Variants in MGLL observed in about 807,000 individuals in gnomAD.
MGLL encodes monoglyceride lipase.
In MGLL, 7 loss-of-function variants were observed where a neutral mutation model predicts 29.1. The observed-to-expected ratio is 0.24, with a 90% CI of 0.14 to 0.45. The LOEUF is 0.45. Among genes scored for constraint, MGLL ranks in the 20% least tolerant of loss-of-function variants. The pLI, the probability that MGLL is intolerant of heterozygous loss-of-function variation, is 0.99. For synonymous variants in MGLL, 148 were observed against 168.3 expected (o/e 0.88, Z 0.93); for missense variants, 356 against 413.6 (o/e 0.86, Z 1.21).
At chr3:127,773,057 G>C (rs147502943) in intron 3 of MGLL, among the ~76,000 whole-genome samples, 1 of 152,220 alleles carries the variant, frequency 6.6e-6, no homozygotes, top group Non-Finnish European at 1.5e-5. Flanking sequence ...AGGCACTCTC[G>C]GCAGATCTGA....
chr3:127,769,068 C>G (rs960533959), intron 3 of MGLL, among the ~76,000 whole-genome samples: 3 of 152,156 alleles, frequency 2.0e-5, no homozygotes, highest in Non-Finnish European at 4.4e-5. Flanking sequence ...GTTGGATTGT[C>G]AGGCCAGGAG....
chr3:127,765,531 G>A (rs2076841190), intron 3 of MGLL, among the ~76,000 whole-genome samples: 1 of 152,218 alleles, frequency 6.6e-6, no homozygotes, highest in Admixed American at 6.5e-5. Context: ...TGCGGCCCTC[G>A]GAAGAGCCAC....
At chr3:127,696,465 G>T (rs2075368278) in intron 6 of MGLL, among the ~76,000 whole-genome samples, 1 of 129,298 alleles carries the variant, frequency 7.7e-6, no homozygotes, top group Admixed American at 9.2e-5. Flanking sequence ...CCAGGCTGGA[G>T]TGCAGTGATA....
At chr3:127,698,082 C>T (rs1387322861) in intron 6 of MGLL, among the ~76,000 whole-genome samples, 2 of 152,240 alleles carry the variant, frequency 1.3e-5, no homozygotes, top group Admixed American at 1.3e-4. Context: ...CTGCTCTTGG[C>T]TTCGTTTTCC....
chr3:127,717,196 A>C (rs949766533), intron 5 of MGLL, among the ~76,000 whole-genome samples: 1 of 152,194 alleles, frequency 6.6e-6, no homozygotes, highest in Non-Finnish European at 1.5e-5. Context: ...CTGAAGCTTG[A>C]AAGAGTGGCC....
intron 3 of MGLL, among the ~76,000 whole-genome samples, chr3:127,746,061 C>T (rs1457698676): frequency 6.6e-6 from 1 of 152,014 alleles, no homozygotes; most frequent in Non-Finnish European, 1.5e-5. Context: ...CAGACAGAAA[C>T]AAGGAAGGTG....
At chr3:127,775,366 A>G (rs2077015680) in intron 3 of MGLL, among the ~76,000 whole-genome samples, 1 of 152,250 alleles carries the variant, frequency 6.6e-6, no homozygotes, top group South Asian at 2.1e-4. Context: ...AAGAAATAAA[A>G]TAAACCTATG....
chr3:127,794,571 TGTCTTCTGTGATGTCAGACC>T (rs1441184075), intron 2 of MGLL, among the ~76,000 whole-genome samples: 1 of 147,736 alleles, frequency 6.8e-6, no homozygotes, highest in Non-Finnish European at 1.5e-5. Flanking sequence ...GATGTAAGGC[TGTCTTCTGTGATGTCAGACC>T]GTCTTCTGTG....
At chr3:127,740,494 C>T (rs764889239) in intron 3 of MGLL, among the ~76,000 whole-genome samples, 1 of 152,172 alleles carries the variant, frequency 6.6e-6, no homozygotes, top group Non-Finnish European at 1.5e-5. Flanking sequence ...ACTGCCGGGA[C>T]CCAGGTCGCC....
At chr3:127,715,255 T>C (rs1271779128) in intron 5 of MGLL, among the ~76,000 whole-genome samples, 3 of 152,192 alleles carry the variant, frequency 2.0e-5, no homozygotes, top group Admixed American at 1.3e-4. Context: ...CTGGCTAGGA[T>C]GGAGGTGTAC....
At chr3:127,795,719 G>A (rs2077372218) in intron 2 of MGLL, among the ~76,000 whole-genome samples, 1 of 152,008 alleles carries the variant, frequency 6.6e-6, no homozygotes, top group Non-Finnish European at 1.5e-5. Context: ...AAAAAAGCAT[G>A]CCACCAAATC....
At chr3:127,738,792 G>A (rs919674454) in intron 3 of MGLL, among the ~76,000 whole-genome samples, 5 of 152,210 alleles carry the variant, frequency 3.3e-5, no homozygotes, top group Admixed American at 6.5e-5. Context: ...AACTGACAGT[G>A]TGACTGTATA....
At chr3:127,818,223 G>A (rs1055565478) in intron 2 of MGLL, among the ~76,000 whole-genome samples, 18 of 152,084 alleles carry the variant, frequency 1.2e-4, no homozygotes, top group African/African-American at 4.1e-4. Context: ...TCAGCCTCCC[G>A]ATGTGTTGGG....
chr3:127,715,925 A>G (rs1026253717), intron 5 of MGLL: 3 of 430,658 alleles, frequency 7.0e-6, no homozygotes, highest in Non-Finnish European at 1.4e-5. Flanking sequence ...AAATCCTCGA[A>G]TAGTCCTACA....
At chr3:127,698,228 C>G (rs1576470949) in intron 6 of MGLL, among the ~76,000 whole-genome samples, 1 of 152,288 alleles carries the variant, frequency 6.6e-6, no homozygotes, top group East Asian at 1.9e-4. Flanking sequence ...CAGAGGGAAA[C>G]TGGGACCAGG....
At chr3:127,736,214 A>G (rs1326527581) in intron 3 of MGLL, 3 of 998,466 alleles carry the variant, frequency 3.0e-6, no homozygotes, top group Admixed American at 1.2e-4. Flanking sequence ...AAAAACAAAG[A>G]AGATTGCATG....
intron 2 of MGLL, among the ~76,000 whole-genome samples, chr3:127,790,665 C>G (rs2077284271): frequency 6.6e-6 from 1 of 152,190 alleles, no homozygotes; most frequent in South Asian, 2.1e-4. Context: ...GAATGAGACC[C>G]GGTCCACTGC....
chr3:127,746,315 C>T (rs1205621386), intron 3 of MGLL, among the ~76,000 whole-genome samples: 3 of 152,152 alleles, frequency 2.0e-5, no homozygotes, highest in African/African-American at 7.2e-5. Context: ...TCAAGCTGTT[C>T]GTGGCTCCTG....
chr3:127,721,916 G>T (rs779003629), intron 4 of MGLL, among the ~76,000 whole-genome samples: 11 of 152,198 alleles, frequency 7.2e-5, no homozygotes, highest in Admixed American at 6.5e-4. Flanking sequence ...CCCGATTTAA[G>T]ATTACATTTG....
Sources: gnomAD v4.1 joint callset for allele counts (sites outside exome capture counted in the v4.1 genomes callset) on GRCh38, gnomAD v4.1.1 for gene constraint, MANE v1.5 for transcripts, NCBI Gene and HGNC (gene_info 2026-07-23, HGNC 2026-07-21) for gene names.